The following CRBN variants were observed in gnomAD, a reference collection of about 807,000 sequenced individuals.
CRBN encodes the protein protein cereblon.
A neutral mutation model predicts 62.2 loss-of-function variants in CRBN; 53 were observed. The ratio of observed to expected loss-of-function variants is 0.85; its 90% CI spans 0.68 to 1.07. The LOEUF is 1.07. CRBN is among the 50% of genes least tolerant of loss of function. CRBN has a pLI of 0.00. For synonymous variants in CRBN, 208 were observed against 176.1 expected, an observed-to-expected ratio of 1.18 and a Z score of -1.43; for missense variants, 616 against 531.1, an observed-to-expected ratio of 1.16 and a Z score of -1.57.
At chr3:3,163,139 A>G (rs1707205606) in intron 5 of CRBN, among the ~76,000 whole-genome samples, 2 of 152,212 alleles carry the variant, frequency 1.3e-5, no homozygotes, top group African/African-American at 4.8e-5. Flanking sequence ...AAAATAGATC[A>G]GCTAGCGGTT....
chr3:3,177,284 C>G (rs1164625003), intron 1 of CRBN, among the ~76,000 whole-genome samples: 4 of 152,172 alleles, frequency 2.6e-5, no homozygotes, highest in African/African-American at 9.7e-5. Flanking sequence ...TTTTCCTTTG[C>G]ATATCATTAT....
intron 5 of CRBN, among the ~76,000 whole-genome samples, chr3:3,158,344 C>T (rs988888444): frequency 6.6e-6 from 1 of 152,180 alleles, no homozygotes; most frequent in African/African-American, 2.4e-5. Context: ...CGGTTCCTAA[C>T]AGGCCACAGA....
chr3:3,157,262 A>G lies in CRBN; in HGVS notation c.688-981T>C, dbSNP rs76704322. Among the ~76,000 whole-genome samples the G allele has an allele frequency of 8.4e-3, 1,282 of 152,336 alleles. 52 individuals are homozygous for G. The East Asian group carries it at 0.13, about 16-fold the overall frequency. On this transcript the variant is annotated intron_variant, in intron 5 of 10. Transcript: ENST00000231948. ...AAATACATTAGAATATGTTTATATC[A>G]AGGAATGCTCTGCAAGTGATCAAAG...
At chr3:3,168,002 C>A (rs755578719) in intron 4 of CRBN, among the ~76,000 whole-genome samples, 2 of 151,702 alleles carry the variant, frequency 1.3e-5, no homozygotes, top group Non-Finnish European at 2.9e-5. Flanking sequence ...CAAAGATAAC[C>A]TAAGGTACGG....
rs1376158460 is a variant in CRBN, at chr3:3,152,545, A to G, written c.1059T>C (p.His353=). 3 of 1,614,024 alleles carry G rather than the reference A, an allele frequency of 1.9e-6. No individual in the cohort carries two copies. Among genetic ancestry groups the G allele is most frequent in the Non-Finnish European group, 1.7e-6 (2 of 1,180,006 alleles). Residue 353 remains histidine (H), a synonymous_variant, in exon 10 of 11, where the codon CAT becomes CAC. Coordinates refer to ENST00000231948, the MANE Select transcript of CRBN (RefSeq NM_016302.4). ...CGPMAAYVNP[H]GYVHETLTVY... The stretch of plus-strand genomic sequence containing the variant: ...CAGTAAGTGTCTCATGCACATATCC[A>G]TGAGGATTCACATAAGCTGCCATCG...
chr3:3,156,802 GGA>G (rs1247337754), intron 5 of CRBN: 7 of 156,020 alleles, frequency 4.5e-5, no homozygotes, highest in African/African-American at 1.7e-4. Flanking sequence ...TAAAACTCAA[GGA>G]GAGGGGAAAC....
chr3:3,167,327 C>A (rs113115244), intron 5 of CRBN: 1 of 257,696 alleles, frequency 3.9e-6, no homozygotes, highest in African/African-American at 2.3e-5. Flanking sequence ...AACTCAAGAG[C>A]CGAACATCTA....
chr3:3,172,051 CTTT>C (rs1234550466), intron 4 of CRBN: 1 of 152,144 alleles, frequency 6.6e-6, no homozygotes, highest in Non-Finnish European at 1.5e-5. Flanking sequence ...ATAAACTGGA[CTTT>C]TTTGTGTCTG....
In CRBN at chr3:3,170,038, G is replaced by A. The variant is rs985149195; in HGVS notation, c.528-2245C>T. 2.0e-5 allele frequency among the ~76,000 whole-genome samples: 3 copies of A among 151,998 alleles called. 1 individual carries two copies. In the South Asian group the frequency reaches 6.2e-4, roughly 32 times the overall value. ...ACTGTTGGCGAAGCTGGAGTGCAGC[G>A]GTATAATCTCTGCTCAGTGCAACCT... On this transcript the variant is annotated intron_variant, in intron 4 of 10. Coordinates refer to ENST00000231948, the MANE Select transcript of CRBN (RefSeq NM_016302.4).
chr3:3,166,450 G>T (rs1026671733), intron 5 of CRBN, among the ~76,000 whole-genome samples: 4 of 151,916 alleles, frequency 2.6e-5, no homozygotes, highest in African/African-American at 9.7e-5. Flanking sequence ...TGTCTTTATC[G>T]GCAGCGTGAA....
intron 1 of CRBN, among the ~76,000 whole-genome samples, chr3:3,176,988 A>G (rs1306432445): frequency 1.3e-5 from 2 of 152,170 alleles, no homozygotes; most frequent in Non-Finnish European, 2.9e-5. Context: ...TCTCAACCAC[A>G]GGTGATTTTG....
rs1490038820 is a variant in CRBN at position 3,150,575 on chromosome 3, T to C, written c.*290A>G. On this transcript the variant is annotated 3_prime_UTR_variant, in exon 11 of 11. Coordinates refer to ENST00000231948, the MANE Select transcript of CRBN (RefSeq NM_016302.4). ...CATCATTTCCAAAGATGTCTTCATGTCCCATCAATGACATGCTACCAGACA... is the reference window on the plus strand; with the variant it reads ...CATCATTTCCAAAGATGTCTTCATGCCCCATCAATGACATGCTACCAGACA... The C allele has an allele frequency of 3.5e-6, 1 of 286,928 alleles. No homozygotes were observed. Among genetic ancestry groups the C allele is most frequent in the Non-Finnish European group, 6.8e-6 (1 of 148,046 alleles). 17.8% of individuals were successfully genotyped at this position (286,928 alleles called of 1,614,324 possible).
intron 5 of CRBN, among the ~76,000 whole-genome samples, chr3:3,167,254 T>C (rs778201003): frequency 6.6e-6 from 1 of 152,170 alleles, no homozygotes; most frequent in Non-Finnish European, 1.5e-5. Context: ...AAACAGACTC[T>C]ACTTCTCTAC....
Position 3,179,121 on chromosome 3 carries a change from C to G in CRBN, c.67+500G>C, listed in dbSNP as rs114158070. On this transcript the variant is annotated intron_variant, in intron 1 of 10. Coordinates refer to ENST00000231948, the MANE Select transcript of CRBN (RefSeq NM_016302.4). ...TTGGGCAAGTCATTGAACTAATCTG[C>G]AAATCCAATACTCGCTTATCAAATC... 1.2e-3 allele frequency among the ~76,000 whole-genome samples: 184 copies of G among 152,252 alleles called. 1 individual carries two copies. The highest frequency in any genetic ancestry group is 4.2e-3 in the African/African-American group (174 of 41,554).
intron 5 of CRBN, among the ~76,000 whole-genome samples, chr3:3,158,445 C>T (rs1707002073): frequency 6.6e-6 from 1 of 152,164 alleles, no homozygotes; most frequent in South Asian, 2.1e-4. Flanking sequence ...GTGGTTAAAG[C>T]CTGAGGAGTC....
chr3:3,169,281 C>T (rs1707499469), intron 4 of CRBN, among the ~76,000 whole-genome samples: 1 of 152,128 alleles, frequency 6.6e-6, no homozygotes, highest in African/African-American at 2.4e-5. Context: ...CTCCCAGCAG[C>T]TGAGTTTTGT....
Position 3,156,284 on chromosome 3 carries a change from G to A in CRBN, c.688-3C>T, listed in dbSNP as rs757276487. 3 of 1,613,514 alleles carry A rather than the reference G, an allele frequency of 1.9e-6. No individual in the cohort carries two copies. Among genetic ancestry groups the A allele is most frequent in the Admixed American group, 1.7e-5 (1 of 59,976 alleles). ...AGATTTGCACAATGAAACTTTCTCT[G>A]AAAACAAAACAAAAAGGCACTTAAA... On this transcript the variant is annotated splice_region_variant and splice_polypyrimidine_tract_variant and intron_variant, in intron 5 of 10. Coordinates refer to ENST00000231948, the MANE Select transcript of CRBN (RefSeq NM_016302.4).
chr3:3,154,900 ACT>A (rs1706814846), intron 6 of CRBN, 69 bp from the exon 7 acceptor site: 1 of 861,940 alleles, frequency 1.2e-6, no homozygotes, highest in Non-Finnish European at 2.0e-6. Flanking sequence ...AAGCTTTTCA[ACT>A]CTTAAAACTA....
At chr3:3,159,302 A>C (rs184011169) in intron 5 of CRBN, among the ~76,000 whole-genome samples, 3 of 152,298 alleles carry the variant, frequency 2.0e-5, no homozygotes, top group East Asian at 3.9e-4. Flanking sequence ...TAGAGAGAAG[A>C]AGCTATATAT....
Sources: allele counts gnomAD v4.1 joint callset (sites outside exome capture counted in the v4.1 genomes callset), GRCh38; gene constraint gnomAD v4.1.1; transcripts MANE v1.5; gene names NCBI Gene and HGNC (gene_info 2026-07-23, HGNC 2026-07-21).